The following CSMD1 variants were observed in gnomAD, a reference collection of about 807,000 sequenced individuals.
CSMD1 encodes CUB and sushi domain-containing protein 1.
In CSMD1, 213 loss-of-function variants were observed where a neutral mutation model predicts 417.5. The ratio of observed to expected loss-of-function variants is 0.51; its 90% CI spans 0.46 to 0.57. The LOEUF (loss-of-function observed/expected upper bound fraction) is 0.57, where lower values mean the gene tolerates loss of function less well. Among genes scored for constraint, CSMD1 ranks in the 20% least tolerant of loss-of-function variants. CSMD1 has a pLI of 0.00. For synonymous variants in CSMD1, 2,862 were observed against 1,736.8 expected (o/e 1.65, Z -16.11); for missense variants, 6,923 against 4,529.7 (o/e 1.53, Z -15.17).
At chr8:2,992,216 C>A (rs1045735413) in intron 54 of CSMD1, among the ~76,000 whole-genome samples, 1 of 143,960 alleles carries the variant, frequency 6.9e-6, no homozygotes, top group Non-Finnish European at 1.5e-5. Context: ...CACATGCACA[C>A]ACACATGCAC....
chr8:4,092,635 G>C (rs1175557246), intron 3 of CSMD1, among the ~76,000 whole-genome samples: 2 of 152,184 alleles, frequency 1.3e-5, no homozygotes, highest in African/African-American at 2.4e-5. Context: ...CGTGAATTAA[G>C]AATGTATTAA....
chr8:4,354,934 G>T (rs973263424), intron 3 of CSMD1, among the ~76,000 whole-genome samples: 1 of 145,604 alleles, frequency 6.9e-6, no homozygotes, highest in Non-Finnish European at 1.5e-5. Flanking sequence ...TTTTCAGGTT[G>T]AAAGAAACCA....
chr8:3,800,797 G>C (rs1456992655), intron 5 of CSMD1, among the ~76,000 whole-genome samples: 3 of 152,032 alleles, frequency 2.0e-5, no homozygotes, highest in Admixed American at 2.0e-4. Context: ...GCTGTATTTT[G>C]TACGTGCCCA....
At chr8:4,430,938 A>C (rs1021254950) in intron 2 of CSMD1, among the ~76,000 whole-genome samples, 2 of 152,156 alleles carry the variant, frequency 1.3e-5, no homozygotes, top group Admixed American at 1.3e-4. Context: ...TGTAAAATTC[A>C]CTACTAGAAT....
chr8:4,038,617 T>C (rs540527431), intron 3 of CSMD1, among the ~76,000 whole-genome samples: 2 of 152,330 alleles, frequency 1.3e-5, no homozygotes, highest in African/African-American at 2.4e-5. Context: ...ATTTAGTAAA[T>C]ACCTACTGAG....
At chr8:4,373,654 T>C (rs1391743385) in intron 3 of CSMD1, among the ~76,000 whole-genome samples, 2 of 152,248 alleles carry the variant, frequency 1.3e-5, no homozygotes, top group Non-Finnish European at 2.9e-5. Flanking sequence ...TTATGGAAGT[T>C]ATGATAGTTT....
chr8:4,716,391 A>G (rs1043433272), intron 1 of CSMD1, among the ~76,000 whole-genome samples: 31 of 152,338 alleles, frequency 2.0e-4, no homozygotes, highest in African/African-American at 7.0e-4. Context: ...GAAGGCCAAC[A>G]CAAGGATGGG....
At chr8:4,173,383 G>A (rs866194620) in intron 3 of CSMD1, among the ~76,000 whole-genome samples, 6 of 152,062 alleles carry the variant, frequency 3.9e-5, no homozygotes, top group Non-Finnish European at 8.8e-5. Flanking sequence ...TGAGACAGAG[G>A]CATAAAGAGA....
Position 4,441,806 on chromosome 8 carries a change from G to C in CSMD1, c.303-21741C>G, listed in dbSNP as rs145053997. 4.6e-3 allele frequency among the ~76,000 whole-genome samples: 700 copies of C among 152,100 alleles called. 6 individuals are homozygous for C. The highest frequency in any genetic ancestry group is 0.016 in the African/African-American group (656 of 41,472). ...GTGTATCACAAGATAAATCAAATAA[G>C]GTTCAATCAAACACTGAAGTTTGAG... is the stretch of plus-strand genomic sequence containing the variant. On this transcript the variant is annotated intron_variant, in intron 2 of 69. Transcript: ENST00000635120.
At chr8:2,950,659 A>C (rs977788470) in intron 66 of CSMD1, among the ~76,000 whole-genome samples, 6 of 152,214 alleles carry the variant, frequency 3.9e-5, no homozygotes, top group Non-Finnish European at 7.3e-5. Flanking sequence ...AAAAGTATAC[A>C]GTAAAAATAC....
intron 6 of CSMD1, among the ~76,000 whole-genome samples, chr8:3,749,733 T>C (rs2129052777): frequency 6.6e-6 from 1 of 152,188 alleles, no homozygotes; most frequent in Non-Finnish European, 1.5e-5. Flanking sequence ...GTTTATGTTT[T>C]TTTTTCCTTT....
At chr8:4,117,929 A>T (rs1045736244) in intron 3 of CSMD1, among the ~76,000 whole-genome samples, 3 of 141,726 alleles carry the variant, frequency 2.1e-5, no homozygotes, top group Non-Finnish European at 3.0e-5. Context: ...ATTTTCCTGG[A>T]AAAGTCAGGG....
intron 3 of CSMD1, among the ~76,000 whole-genome samples, chr8:4,099,363 T>C (rs1184588149): frequency 6.6e-6 from 1 of 152,118 alleles, no homozygotes; most frequent in African/African-American, 2.4e-5. Context: ...AGTCATAAAA[T>C]CTGGTAATCA....
intron 1 of CSMD1, among the ~76,000 whole-genome samples, chr8:4,668,881 G>A (rs537958551): frequency 6.6e-6 from 1 of 151,916 alleles, no homozygotes; most frequent in African/African-American, 2.4e-5. Context: ...TTAAATTCAG[G>A]TTGAATCTGT....
chr8:3,902,056 G>A (rs773479627), intron 5 of CSMD1, among the ~76,000 whole-genome samples: 1 of 151,796 alleles, frequency 6.6e-6, no homozygotes. Flanking sequence ...GCAATGATTT[G>A]TACAGATTGT....
intron 41 of CSMD1, among the ~76,000 whole-genome samples, chr8:3,125,333 C>T (rs577206097): frequency 1.2e-3 from 178 of 152,284 alleles, no homozygotes; most frequent in African/African-American, 4.1e-3. Context: ...TGTGAGAGGG[C>T]GAAGGAGGCG....
intron 49 of CSMD1, among the ~76,000 whole-genome samples, chr8:3,067,457 G>C (rs2406582): frequency 0.45 from 68,284 of 151,616 alleles, 15,850 homozygotes; most frequent in Non-Finnish European, 0.49. Context: ...TCCCATTTCA[G>C]AAGCAGAAAC....
At chr8:4,645,673 A>G (rs1186097276) in intron 1 of CSMD1, among the ~76,000 whole-genome samples, 1 of 152,110 alleles carries the variant, frequency 6.6e-6, no homozygotes, top group Admixed American at 6.6e-5. Context: ...AGACACAGAA[A>G]AGAAAAAAGA....
At chr8:2,958,624 A>C (rs1803203810) in intron 62 of CSMD1, among the ~76,000 whole-genome samples, 1 of 152,336 alleles carries the variant, frequency 6.6e-6, no homozygotes, top group East Asian at 1.9e-4. Flanking sequence ...CTGCAGCATG[A>C]GGCCAGCATG....
Sources: allele counts gnomAD v4.1 joint callset (sites outside exome capture counted in the v4.1 genomes callset), GRCh38; gene constraint gnomAD v4.1.1; transcripts MANE v1.5; gene names NCBI Gene and HGNC (gene_info 2026-07-23, HGNC 2026-07-21).